TCF4: variants seen among roughly 807,000 people sequenced by gnomAD.
TCF4 encodes SL3-3 enhancer factor 2.
In TCF4, 3 loss-of-function variants were observed where a neutral mutation model predicts 82.1. The observed-to-expected ratio is 0.04, with a 90% CI of 0.02 to 0.09. TCF4 has a LOEUF of 0.09. Among genes scored for constraint, TCF4 ranks in the 10% least tolerant of loss-of-function variants. The pLI, the probability that TCF4 is intolerant of heterozygous loss-of-function variation, is 1.00. For missense variants in TCF4, 518 were observed against 852.7 expected, an observed-to-expected ratio of 0.61 and a Z score of 4.89; for synonymous variants, 276 against 309.6, an observed-to-expected ratio of 0.89 and a Z score of 1.14.
intron 8 of TCF4, among the ~76,000 whole-genome samples, chr18:55,286,934 G>A (rs995159260): frequency 7.2e-5 from 11 of 152,194 alleles, no homozygotes; most frequent in Non-Finnish European, 1.6e-4. Flanking sequence ...TTTCACTGGT[G>A]TAAGCTGTTA....
In TCF4 at chr18:55,399,106, C is replaced by T. The variant is rs1272183736; in HGVS notation, c.369+4348G>A. ...ATTTTGTACGGTTTTCACTTACATC[C>T]TTTCTATTTTGACTTTAGATAAGAA... On this transcript the variant is annotated intron_variant, in intron 6 of 19. Transcript: ENST00000354452. Among the ~76,000 whole-genome samples the T allele has an allele frequency of 2.6e-5, 4 of 152,268 alleles. No homozygotes were observed. The East Asian group carries it at 7.7e-4, about 29-fold the overall frequency.
chr18:55,509,894 G>A (rs893453980), intron 3 of TCF4, among the ~76,000 whole-genome samples: 3 of 152,290 alleles, frequency 2.0e-5, no homozygotes, highest in Admixed American at 2.0e-4. Context: ...CCTTCACCCT[G>A]AAGCGTAGCT....
intron 8 of TCF4, among the ~76,000 whole-genome samples, chr18:55,338,681 G>C (rs1026681248): frequency 1.2e-4 from 18 of 152,286 alleles, no homozygotes; most frequent in Non-Finnish European, 2.6e-4. Flanking sequence ...TAGGGAGGAA[G>C]ATGAGAGTGA....
chr18:55,561,742 T>C (rs1347550575), intron 3 of TCF4, among the ~76,000 whole-genome samples: 1 of 152,200 alleles, frequency 6.6e-6, no homozygotes. Context: ...CACTCCAGTA[T>C]ATTAAACACA....
intron 6 of TCF4, among the ~76,000 whole-genome samples, chr18:55,393,825 AACTC>A (rs1338354126): frequency 6.6e-6 from 1 of 152,270 alleles, no homozygotes; most frequent in Non-Finnish European, 1.5e-5. Flanking sequence ...GAATAAAATG[AACTC>A]ACTTGGGTCT....
intron 5 of TCF4, among the ~76,000 whole-genome samples, chr18:55,438,074 G>A (rs1338161145): frequency 6.6e-6 from 1 of 151,980 alleles, no homozygotes; most frequent in East Asian, 1.9e-4. Context: ...GGTGGTGCAT[G>A]CCTGTAATCC....
At chr18:55,273,390 C>T (rs925560139) in intron 10 of TCF4, among the ~76,000 whole-genome samples, 1 of 152,060 alleles carries the variant, frequency 6.6e-6, no homozygotes. Flanking sequence ...TCCCTTTGTT[C>T]AGTATGGGGC....
intron 5 of TCF4, among the ~76,000 whole-genome samples, chr18:55,434,419 CTT>C (rs765165999): frequency 8.5e-6 from 1 of 118,192 alleles, no homozygotes. Flanking sequence ...ACAGGACATT[CTT>C]TTTTTTTTTT....
At chr18:55,339,778 T>C (rs1416561590) in intron 8 of TCF4, among the ~76,000 whole-genome samples, 3 of 152,216 alleles carry the variant, frequency 2.0e-5, no homozygotes, top group Non-Finnish European at 4.4e-5. Flanking sequence ...AAGTTTCTCA[T>C]AGCCGATGAT....
intron 3 of TCF4, among the ~76,000 whole-genome samples, chr18:55,479,048 C>T (rs1484097360): frequency 6.6e-6 from 1 of 151,838 alleles, no homozygotes; most frequent in Non-Finnish European, 1.5e-5. Context: ...TTTGCATTAA[C>T]ATTTTCCCTT....
rs1349643520 is a variant in TCF4 at position 55,621,932 on chromosome 18, CTATATATACACTA to C, written c.286+9353_286+9365del. ...CTATATATTATATATACACTATATA[CTATATATACACTA>C]TATATATTATATATACACTATATAT... On this transcript the variant is annotated intron_variant, in intron 2 of 20. Coordinates refer to the TCF4 transcript ENST00000398339. 4.5e-3 allele frequency among the ~76,000 whole-genome samples: 49 copies of C among 10,980 alleles called. 1 individual carries two copies. The highest frequency in any genetic ancestry group is 0.017 in the African/African-American group (48 of 2,852). The allele number at this position is 10,980 out of a possible 152,430, so 7.2% of individuals were successfully genotyped here. A position where few individuals can be genotyped will look rare whatever the true frequency, so the allele number is the denominator to read the frequency against.
At chr18:55,269,018 CCCA>C (rs1200539007) in intron 11 of TCF4, 1 of 152,246 alleles carries the variant, frequency 6.6e-6, no homozygotes, top group Non-Finnish European at 1.5e-5. Context: ...TAGCTATCTC[CCCA>C]CCAACTCCAC....
intron 3 of TCF4, among the ~76,000 whole-genome samples, chr18:55,537,642 T>C (rs934418791): frequency 2.0e-5 from 3 of 152,094 alleles, no homozygotes; most frequent in African/African-American, 7.2e-5. Context: ...GCCATTCCTA[T>C]AAAACAGAAT....
chr18:55,488,537 G>T (rs1252498657), intron 3 of TCF4, among the ~76,000 whole-genome samples: 6 of 152,158 alleles, frequency 3.9e-5, no homozygotes, highest in African/African-American at 1.4e-4. Context: ...AAAGGTGCTT[G>T]CCAAGACAAA....
chr18:55,281,093 T>C (rs1411237206), intron 8 of TCF4, among the ~76,000 whole-genome samples: 4 of 152,206 alleles, frequency 2.6e-5, no homozygotes, highest in African/African-American at 7.2e-5. Flanking sequence ...TATATTTCAC[T>C]GGACTTTATT....
chr18:55,222,625 G>C lies in TCF4; in HGVS notation c.*5410C>G, dbSNP rs1005042130. On this transcript the variant is annotated 3_prime_UTR_variant, in exon 20 of 20. Transcript: ENST00000354452. ...TATTGGAGACATCCCCAAATACCAC[G>C]TACTTGATTAGAACATTCTGTTATG... The C allele has an allele frequency of 5.9e-5, 9 of 152,576 alleles. No homozygotes were observed. The highest frequency in any genetic ancestry group is 2.2e-4 in the African/African-American group (9 of 41,430). 9.5% of individuals were successfully genotyped at this position (152,576 alleles called of 1,614,324 possible).
intron 5 of TCF4, among the ~76,000 whole-genome samples, chr18:55,424,889 C>T (rs946372483): frequency 2.0e-5 from 3 of 152,100 alleles, no homozygotes. Context: ...TGAATGTTCT[C>T]GACAATTTAT....
intron 3 of TCF4, among the ~76,000 whole-genome samples, chr18:55,537,042 G>A (rs1429607560): frequency 6.6e-6 from 1 of 151,426 alleles, no homozygotes; most frequent in Non-Finnish European, 1.5e-5. Flanking sequence ...GCTGAGGCAG[G>A]AGAATGGCAT....
rs989791465 is a variant in TCF4, at chr18:55,442,296, C to T, written c.304+18723G>A. Among the ~76,000 whole-genome samples the T allele has an allele frequency of 2.0e-5, 3 of 152,210 alleles. No individual in the cohort carries two copies. In the South Asian group the frequency reaches 6.2e-4, roughly 31 times the overall value. On this transcript the variant is annotated intron_variant, in intron 5 of 19. Coordinates refer to ENST00000354452, the MANE Select transcript of TCF4 (RefSeq NM_001083962.2). ...TTTTCTAAAAAGGCAGATAGCTTTG[C>T]TCTGCAGGCAGAATCAAGTTGGTCT...
Sources: allele counts gnomAD v4.1 joint callset (sites outside exome capture counted in the v4.1 genomes callset), GRCh38; gene constraint gnomAD v4.1.1; transcripts MANE v1.5; gene names NCBI Gene and HGNC (gene_info 2026-07-23, HGNC 2026-07-21).